The following STOX1 variants were observed in gnomAD, a reference collection of about 807,000 sequenced individuals.
STOX1 encodes the protein storkhead box 1.
STOX1 carries 57 observed loss-of-function variants against 74.8 expected under a neutral mutation model. The ratio of observed to expected loss-of-function variants is 0.76; its 90% CI spans 0.62 to 0.95. The LOEUF (loss-of-function observed/expected upper bound fraction) is 0.95. STOX1 is among the 40% of genes least tolerant of loss of function. STOX1 has a pLI of 0.00. For missense variants in STOX1, 1,010 were observed against 1,117.0 expected, an observed-to-expected ratio of 0.90 and a Z score of 1.37; for synonymous variants, 375 against 401.3, an observed-to-expected ratio of 0.93 and a Z score of 0.78.
At position 68,892,904 on chromosome 10, in the gene STOX1, T is replaced by G; in HGVS notation, c.*168T>G. The G allele has an allele frequency of 1.3e-6, 1 of 743,178 alleles. No homozygotes were observed. The highest frequency in any genetic ancestry group is 2.1e-6 in the Non-Finnish European group (1 of 467,790). 46.0% of individuals were successfully genotyped at this position (743,178 alleles called of 1,614,324 possible). A position where few individuals can be genotyped will look rare whatever the true frequency, so the allele number is the denominator to read the frequency against. On this transcript the variant is annotated 3_prime_UTR_variant, in exon 4 of 4. Transcript: ENST00000298596. ...TAATTACTGGCTTTTTTTCCTCTTT[T>G]GGTGTCTTAAGGCTTTTTGAAGCTT...
rs1840239979 is a variant in STOX1, at chr10:68,860,543, C to T, written c.311-21415C>T. 2.2e-5 allele frequency among the ~76,000 whole-genome samples: 3 copies of T among 135,248 alleles called. No individual in the cohort carries two copies. The South Asian group carries it at 7.1e-4, about 32-fold the overall frequency. The allele number at this position is 135,248 out of a possible 152,430, so 88.7% of individuals were successfully genotyped here. On this transcript the variant is annotated intron_variant, in intron 1 of 3. Transcript: ENST00000298596. ...TGAGATGATGCCACTGCACTCCAGC[C>T]TGGGTAACAGAGTGAGACTCTGTCT...
chr10:68,843,065 G>T (rs1433900637), intron 1 of STOX1, among the ~76,000 whole-genome samples: 1 of 152,122 alleles, frequency 6.6e-6, no homozygotes, highest in Non-Finnish European at 1.5e-5. Flanking sequence ...TTGAAACAGA[G>T]TCTCACTCTG....
intron 3 of STOX1, among the ~76,000 whole-genome samples, chr10:68,887,986 A>AT (rs34271382): frequency 4.0e-5 from 6 of 151,638 alleles, no homozygotes; most frequent in East Asian, 1.9e-4. Flanking sequence ...ACTGAAAAGT[A>AT]TTTTTTTTTC....
chr10:68,891,597 T>C (rs34657772), intron 3 of STOX1, among the ~76,000 whole-genome samples: 17,693 of 151,788 alleles, frequency 0.12, 1,308 homozygotes, highest in Admixed American at 0.18. Context: ...AGGTCAGCAG[T>C]TCAAGACCAG....
intron 1 of STOX1, among the ~76,000 whole-genome samples, chr10:68,854,052 G>A (rs1840059108): frequency 6.7e-6 from 1 of 149,666 alleles, no homozygotes; most frequent in South Asian, 2.1e-4. Flanking sequence ...CTGGAGTGCT[G>A]TGGCACAATA....
chr10:68,844,812 G>T (rs1839794278), intron 1 of STOX1, among the ~76,000 whole-genome samples: 1 of 151,852 alleles, frequency 6.6e-6, no homozygotes, highest in South Asian at 2.1e-4. Context: ...ACCCAGGCTG[G>T]AGTGCAGTGG....
intron 1 of STOX1, among the ~76,000 whole-genome samples, chr10:68,872,305 T>C (rs903533582): frequency 1.3e-5 from 2 of 151,702 alleles, no homozygotes; most frequent in African/African-American, 2.4e-5. Context: ...AAATATAAAA[T>C]AAGTAATGCT....
chr10:68,860,569 C>CAAA lies in STOX1; in HGVS notation c.311-21368_311-21366dup, dbSNP rs11353333. ...TGGGTAACAGAGTGAGACTCTGTCT[C>CAAA]AAAAAAAAAAAAAAAAAAAAAAAGG... On this transcript the variant is annotated intron_variant, in intron 1 of 3. Transcript: ENST00000298596. Among the ~76,000 whole-genome samples the CAAA allele has an allele frequency of 1.5e-3, 96 of 63,530 alleles. 1 individual carries two copies. Among genetic ancestry groups the CAAA allele is most frequent in the African/African-American group, 2.3e-3 (36 of 15,742 alleles). 41.7% of individuals were successfully genotyped at this position (63,530 alleles called of 152,430 possible). A position where few individuals can be genotyped will look rare whatever the true frequency, so the allele number is the denominator to read the frequency against.
chr10:68,847,065 C>G (rs1230614919), intron 1 of STOX1, among the ~76,000 whole-genome samples: 5 of 152,076 alleles, frequency 3.3e-5, no homozygotes, highest in Non-Finnish European at 7.4e-5. Context: ...CCTTGGAGTT[C>G]CTGAGTCTTT....
At chr10:68,881,910 A>T in intron 1 of STOX1, 48 bp from the exon 2 acceptor site, 1 of 1,608,932 alleles carries the variant, frequency 6.2e-7, no homozygotes, top group South Asian at 1.1e-5. Context: ...TTTATACTAT[A>T]TCAAATTTAT....
intron 1 of STOX1, among the ~76,000 whole-genome samples, chr10:68,844,999 T>C (rs1839801954): frequency 6.6e-6 from 1 of 152,110 alleles, no homozygotes; most frequent in Non-Finnish European, 1.5e-5. Context: ...CTGACCTCCA[T>C]TGATCCACCC....
chr10:68,868,023 G>A (rs1840450883), intron 1 of STOX1, among the ~76,000 whole-genome samples: 1 of 152,224 alleles, frequency 6.6e-6, no homozygotes, highest in African/African-American at 2.4e-5. Flanking sequence ...CACGGGGATT[G>A]CTTAAGAGTA....
chr10:68,859,108 T>C (rs1840197982), intron 1 of STOX1, among the ~76,000 whole-genome samples: 1 of 152,060 alleles, frequency 6.6e-6, no homozygotes, highest in Non-Finnish European at 1.5e-5. Flanking sequence ...TGCCTGCTTC[T>C]GAAATATACA....
At chr10:68,882,360 G>T (rs1840831021) in intron 2 of STOX1, among the ~76,000 whole-genome samples, 2 of 152,054 alleles carry the variant, frequency 1.3e-5, no homozygotes, top group African/African-American at 2.4e-5. Flanking sequence ...ACACTCTGTG[G>T]AAAGGAGTGC....
At chr10:68,839,477 C>A (rs1417031983) in intron 1 of STOX1, among the ~76,000 whole-genome samples, 1 of 146,240 alleles carries the variant, frequency 6.8e-6, no homozygotes, top group Non-Finnish European at 1.5e-5. Flanking sequence ...CCCACTTTGG[C>A]CTCTGCCAAA....
intron 1 of STOX1, among the ~76,000 whole-genome samples, chr10:68,866,857 C>G (rs1840419463): frequency 6.6e-6 from 1 of 151,996 alleles, no homozygotes; most frequent in African/African-American, 2.4e-5. Context: ...GAACGGGGCC[C>G]AGGACGGGCC....
intron 3 of STOX1, 62 bp downstream of exon 3, chr10:68,886,680 G>C: frequency 6.6e-7 from 1 of 1,520,352 alleles, no homozygotes; most frequent in Non-Finnish European, 9.1e-7. Flanking sequence ...TGTAATCCCA[G>C]CATTTTGGGA....
intron 1 of STOX1, among the ~76,000 whole-genome samples, chr10:68,853,561 G>GC (rs1237978881): frequency 6.6e-6 from 1 of 152,072 alleles, no homozygotes; most frequent in Non-Finnish European, 1.5e-5. Flanking sequence ...TGTATAATTG[G>GC]CCAGTGATTT....
chr10:68,832,661 TAA>T (rs201819482), intron 1 of STOX1, among the ~76,000 whole-genome samples: 24 of 66,984 alleles, frequency 3.6e-4, no homozygotes, highest in East Asian at 7.5e-4. Flanking sequence ...GAAAATGTCT[TAA>T]AAAAAAAAAA....
Sources: allele counts gnomAD v4.1 joint callset (sites outside exome capture counted in the v4.1 genomes callset), GRCh38; gene constraint gnomAD v4.1.1; transcripts MANE v1.5; gene names NCBI Gene and HGNC (gene_info 2026-07-23, HGNC 2026-07-21).